Variants in PCDH11X observed in about 807,000 individuals in gnomAD.
The protein encoded by PCDH11X is protocadherin 11 X-linked, also known as protocadherin-11 X-linked.
PCDH11X carries 18 observed loss-of-function variants against 53.3 expected under a neutral mutation model. The ratio of observed to expected loss-of-function variants is 0.34; its 90% CI spans 0.23 to 0.50. The LOEUF is 0.50. Among genes scored for constraint, PCDH11X ranks in the 20% least tolerant of loss-of-function variants. PCDH11X has a pLI of 0.98. For missense variants in PCDH11X, 570 were observed against 1,032.4 expected (o/e 0.55, Z 6.14); for synonymous variants, 279 against 393.3 (o/e 0.71, Z 3.44).
chrX:92,229,132 A>C (rs929990937), intron 7 of PCDH11X, among the ~76,000 whole-genome samples: 1 of 111,915 alleles, frequency 8.9e-6, no homozygotes, highest in African/African-American at 3.2e-5. Flanking sequence ...AGTACTCAGT[A>C]AACACTTTGG....
At chrX:91,887,638 C>A (rs1037597860) in intron 6 of PCDH11X, among the ~76,000 whole-genome samples, 24 of 111,939 alleles carry the variant, frequency 2.1e-4, no homozygotes, top group Admixed American at 1.6e-3. Flanking sequence ...CAAGCTAGAG[C>A]AGTGAGTTCT....
intron 9 of PCDH11X, chrX:92,459,821 C>T: frequency 8.5e-7 from 1 of 1,172,602 alleles, no homozygotes; most frequent in Admixed American, 2.2e-5. Flanking sequence ...TCCCGCTCCA[C>T]CAGCTTCCGG....
At chrX:92,292,073 C>A (rs1395419863) in intron 8 of PCDH11X, among the ~76,000 whole-genome samples, 3 of 111,647 alleles carry the variant, frequency 2.7e-5, no homozygotes, top group African/African-American at 9.7e-5. Flanking sequence ...CCATAATATA[C>A]TGGGTACTAT....
chrX:92,220,275 G>A (rs1269469501), intron 7 of PCDH11X, among the ~76,000 whole-genome samples: 1 of 78,910 alleles, frequency 1.3e-5, no homozygotes, highest in Non-Finnish European at 2.4e-5. Context: ...TACAAAATGG[G>A]AGAAAATTTT....
chrX:91,901,376 T>G (rs1207854962), intron 6 of PCDH11X, among the ~76,000 whole-genome samples: 2 of 110,415 alleles, frequency 1.8e-5, no homozygotes, highest in African/African-American at 6.6e-5. Flanking sequence ...GATTGGAATT[T>G]TACCAAGATT....
intron 6 of PCDH11X, among the ~76,000 whole-genome samples, chrX:91,893,834 A>C (rs1192502147): frequency 9.0e-6 from 1 of 111,190 alleles, no homozygotes; most frequent in Admixed American, 9.6e-5. Flanking sequence ...AAAACTGACT[A>C]TATATATATA....
chrX:92,521,095 A>G (rs1323801882), intron 10 of PCDH11X, among the ~76,000 whole-genome samples: 1 of 109,268 alleles, frequency 9.2e-6, no homozygotes, highest in East Asian at 2.9e-4. Flanking sequence ...TAGTATTTTG[A>G]CCTCCCTCCC....
chrX:92,619,043 G>T lies in PCDH11X; in HGVS notation c.*103G>T. The T allele has an allele frequency of 1.1e-6, 1 of 908,594 alleles. No individual in the cohort carries two copies. The highest frequency in any genetic ancestry group is 2.0e-5 in the African/African-American group (1 of 50,070). The allele number at this position is 908,594 out of a possible 1,213,427, so 74.9% of individuals were successfully genotyped here. A position where few individuals can be genotyped will look rare whatever the true frequency, so the allele number is the denominator to read the frequency against. On this transcript the variant is annotated 3_prime_UTR_variant, in exon 11 of 11. Coordinates refer to ENST00000682573, the MANE Select transcript of PCDH11X (RefSeq NM_032968.5). ...GATTATCAGATTTGTAAATAACTAT[G>T]TAAATAGAAACAGATACCAGAATAA...
At chrX:92,448,975 C>T (rs1235629375) in intron 9 of PCDH11X, among the ~76,000 whole-genome samples, 1 of 111,980 alleles carries the variant, frequency 8.9e-6, no homozygotes. Flanking sequence ...TAGTGTTCCT[C>T]GGATAGGCAT....
At chrX:91,858,100 C>A (rs1164083312) in intron 5 of PCDH11X, among the ~76,000 whole-genome samples, 1 of 109,714 alleles carries the variant, frequency 9.1e-6, no homozygotes, top group African/African-American at 3.3e-5. Flanking sequence ...AACCTCAGTT[C>A]TTGACTTCTG....
At chrX:92,220,820 CTGGA>C (rs2066852936) in intron 7 of PCDH11X, among the ~76,000 whole-genome samples, 1 of 105,225 alleles carries the variant, frequency 9.5e-6, no homozygotes, top group African/African-American at 3.5e-5. Flanking sequence ...CAATGATAGA[CTGGA>C]TTAAGAAAAT....
At chrX:91,917,242 G>C (rs1420930632) in intron 6 of PCDH11X, among the ~76,000 whole-genome samples, 2 of 107,510 alleles carry the variant, frequency 1.9e-5, no homozygotes, top group Non-Finnish European at 3.9e-5. Flanking sequence ...TTCCCCCTGA[G>C]AACTGGAACA....
rs188867982 is a variant in PCDH11X at position 92,157,468 on chromosome X, G to A, written c.3034-43907G>A. On this transcript the variant is annotated intron_variant, in intron 6 of 10. Transcript: ENST00000682573. The stretch of plus-strand genomic sequence containing the variant: ...CCATTTAATGGCAAAAGGATAGAAC[G>A]ATTAGTCAATAAACCAAATAAAAAT... Among the ~76,000 whole-genome samples the A allele has an allele frequency of 2.2e-3, 243 of 111,816 alleles. 4 individuals carry two copies. The highest frequency in any genetic ancestry group is 7.5e-3 in the African/African-American group (231 of 30,812).
chrX:92,059,578 G>A (rs965668178), intron 6 of PCDH11X, among the ~76,000 whole-genome samples: 8 of 110,680 alleles, frequency 7.2e-5, no homozygotes, highest in African/African-American at 2.6e-4. Flanking sequence ...TATATCAAAT[G>A]GATTCTAAAC....
intron 9 of PCDH11X, among the ~76,000 whole-genome samples, chrX:92,417,127 T>C (rs1244818866): frequency 1.8e-5 from 2 of 111,698 alleles, no homozygotes; most frequent in Admixed American, 9.5e-5. Context: ...ATGCCATCTG[T>C]AGACAAATGA....
Position 92,257,873 on chromosome X carries a change from A to G in PCDH11X, c.3115-5241A>G, listed in dbSNP as rs753411381. On this transcript the variant is annotated intron_variant, in intron 7 of 10. Coordinates refer to ENST00000682573, the MANE Select transcript of PCDH11X (RefSeq NM_032968.5). Reference sequence around the variant, plus strand: ...GGTACAAGCTGTTGGTGGATCTACCATTGTGGAGTGTGGAGGATCATGGCT... The same window carrying G: ...GGTACAAGCTGTTGGTGGATCTACCGTTGTGGAGTGTGGAGGATCATGGCT... Among the ~76,000 whole-genome samples the G allele has an allele frequency of 1.3e-4, 15 of 111,678 alleles. No homozygotes were observed. The East Asian group carries it at 4.0e-3, about 30-fold the overall frequency.
intron 7 of PCDH11X, among the ~76,000 whole-genome samples, chrX:92,222,644 A>G (rs990978635): frequency 8.9e-6 from 1 of 112,191 alleles, no homozygotes; most frequent in African/African-American, 3.2e-5. Flanking sequence ...GGTTTCTGCA[A>G]TGATCTTTGG....
intron 6 of PCDH11X, among the ~76,000 whole-genome samples, chrX:92,186,701 T>C (rs2066104770): frequency 9.2e-6 from 1 of 108,240 alleles, no homozygotes; most frequent in African/African-American, 3.4e-5. Context: ...TAGCCAGAGG[T>C]TGGTTAACAG....
chrX:92,188,330 C>T (rs1188360826), intron 6 of PCDH11X, among the ~76,000 whole-genome samples: 1 of 111,434 alleles, frequency 9.0e-6, no homozygotes, highest in Non-Finnish European at 1.9e-5. Context: ...GAGGAATTAG[C>T]ATAATAAGGC....
Sources: allele counts gnomAD v4.1 joint callset (sites outside exome capture counted in the v4.1 genomes callset), GRCh38; gene constraint gnomAD v4.1.1; transcripts MANE v1.5; gene names NCBI Gene and HGNC (gene_info 2026-07-23, HGNC 2026-07-21).